The following ANKRD18A variants were observed in gnomAD, a reference collection of about 807,000 sequenced individuals.
ANKRD18A encodes the protein ankyrin repeat domain-containing protein 18A.
Under a neutral mutation model 110.6 loss-of-function variants are expected in ANKRD18A, and 72 were observed. The ratio of observed to expected loss-of-function variants is 0.65; its 90% CI spans 0.54 to 0.79. The LOEUF (loss-of-function observed/expected upper bound fraction) is 0.79, where lower values mean the gene tolerates loss of function less well. Ranked by LOEUF, ANKRD18A falls within the 30% of genes least tolerant of loss-of-function variation. The pLI is 0.00. For synonymous variants in ANKRD18A, 305 were observed against 410.3 expected (o/e 0.74, Z 3.10); for missense variants, 934 against 1,163.3 (o/e 0.80, Z 2.87).
downstream of ANKRD18A, chr9:38,571,151 T>G (rs1477981494): frequency 3.3e-6 from 5 of 1,534,366 alleles, no homozygotes; most frequent in Non-Finnish European, 4.4e-6. Context: ...GTTCTTCTGT[T>G]GGGGACTAGT....
chr9:38,614,387 A>G (rs1825771496), intron 3 of ANKRD18A, among the ~76,000 whole-genome samples: 1 of 152,028 alleles, frequency 6.6e-6, no homozygotes, highest in Non-Finnish European at 1.5e-5. Flanking sequence ...GGCTCAAGCA[A>G]TCCTCCCACC....
rs528054598 is a variant in ANKRD18A at position 38,596,177 on chromosome 9, G to A, written c.1163C>T (p.Ser388Leu). 3.3e-5 allele frequency: 51 copies of A among 1,543,650 alleles called. No homozygotes were observed. The Middle Eastern group carries it at 5.1e-4, about 15-fold the overall frequency. The change falls in exon 9 of 16, where the codon TCG (serine) becomes TTG (leucine). Residue 388 changes from serine (S) to leucine (L), a missense_variant. Around this residue, in one of 4 missense-constraint regions of ANKRD18A, gnomAD observed 630 missense variants for 797.5 expected, o/e 0.79. Transcript: ENST00000399703. ...AGCTTTCAGATCATTAAGCTGTTGC[G>A]AATACCGGGCCACTGTTTTTGTTAT... is the stretch of plus-strand genomic sequence containing the variant. ...KMITKTVARY[S>L]QQLNDLKAEN...
downstream of ANKRD18A, among the ~76,000 whole-genome samples, chr9:38,570,646 G>A (rs762183132): frequency 9.9e-5 from 15 of 152,182 alleles, no homozygotes; most frequent in Non-Finnish European, 1.6e-4. Flanking sequence ...GTCCACTGAC[G>A]AGGCCCTTGA....
At chr9:38,593,931 C>T in intron 9 of ANKRD18A, 22 bp from the exon 10 acceptor site, 2 of 1,454,856 alleles carry the variant, frequency 1.4e-6, no homozygotes, top group Non-Finnish European at 1.8e-6. Flanking sequence ...TTTTTGTTAC[C>T]AATTTTATAA....
chr9:38,571,133 C>T (rs12349568), downstream of ANKRD18A: 14 of 1,533,112 alleles, frequency 9.1e-6, no homozygotes, highest in South Asian at 2.4e-5. Context: ...TCAGTGGATG[C>T]GACAGTGGTT....
downstream of ANKRD18A, among the ~76,000 whole-genome samples, chr9:38,570,142 C>T (rs188623580): frequency 2.0e-5 from 3 of 151,974 alleles, no homozygotes; most frequent in Non-Finnish European, 4.4e-5. Context: ...GCCCCACTGA[C>T]CAAGTCCCCA....
intron 13 of ANKRD18A, 64 bp downstream of exon 13, chr9:38,577,803 A>G: frequency 6.7e-7 from 1 of 1,496,238 alleles, no homozygotes; most frequent in Admixed American, 2.5e-5. Context: ...TATCCAAAAT[A>G]TAGTTTGCAG....
chr9:38,609,376 T>C (rs1008224733), intron 5 of ANKRD18A, among the ~76,000 whole-genome samples: 1 of 151,844 alleles, frequency 6.6e-6, no homozygotes. Flanking sequence ...AGTTACTTGG[T>C]AGGCTGAGGC....
rs147750779 is a variant in ANKRD18A at position 38,596,120 on chromosome 9, T to G, written c.1220A>C (p.Lys407Thr). The G allele has an allele frequency of 1.4e-3, 2,185 of 1,551,116 alleles. 20 individuals carry two copies. The African/African-American group carries it at 0.024, about 17-fold the overall frequency. Residue 407 changes from lysine to threonine, a missense_variant, in exon 9 of 16, where the codon AAG becomes ACG. Coordinates refer to ENST00000399703, the MANE Select transcript of ANKRD18A (RefSeq NM_147195.4). ...TAGTCTTTCTTTGTTGTGTTTTTCCTTCTCCAATTCTGAATTCAGCCTTGC... is the reference window on the plus strand; with the variant it reads ...TAGTCTTTCTTTGTTGTGTTTTTCCGTCTCCAATTCTGAATTCAGCCTTGC... ...ENARLNSELE[K>T]EKHNKERLEA...
In ANKRD18A at chr9:38,620,141, C is replaced by T; in HGVS notation, c.145G>A (p.Glu49Lys). 1 of 1,570,022 alleles carries T rather than the reference C, an allele frequency of 6.4e-7. No individual in the cohort carries two copies. ...CTGCGCGTCAGGCAGCGCTCCACCT[C>T]CGCGGCGTCGCCCTTGATGGCAGCC... The part of the protein sequence containing the change: ...HRAAIKGDAA[E>K]VERCLTRRFR... The change falls in exon 1 of 16, where the codon GAG becomes AAG. Residue 49 changes from glutamate (E) to lysine (K), a missense_variant. Glu to Lys is a moderately conservative substitution (Grantham distance 56). Transcript: ENST00000399703.
chr9:38,581,855 T>G (rs564585267), intron 12 of ANKRD18A, among the ~76,000 whole-genome samples: 166 of 152,154 alleles, frequency 1.1e-3, no homozygotes, highest in Middle Eastern at 0.01. Flanking sequence ...CTCCTAAAAC[T>G]TTTTCTTGGA....
intron 3 of ANKRD18A, among the ~76,000 whole-genome samples, chr9:38,611,981 C>T (rs1825639701): frequency 6.6e-6 from 1 of 152,104 alleles, no homozygotes; most frequent in Non-Finnish European, 1.5e-5. Context: ...CAGAGCTTCC[C>T]AATACAAGTG....
At chr9:38,583,945 C>T (rs1203637578) in intron 12 of ANKRD18A, among the ~76,000 whole-genome samples, 1 of 152,242 alleles carries the variant, frequency 6.6e-6, no homozygotes, top group Non-Finnish European at 1.5e-5. Context: ...GGAACCTGCA[C>T]AGGGGCTTGC....
chr9:38,595,575 G>A lies in ANKRD18A; in HGVS notation c.1765C>T (p.Leu589=), dbSNP rs1824838479. Residue 589 remains leucine (L), a synonymous_variant, in exon 9 of 16, where the codon CTA becomes TTA. Transcript: ENST00000399703. ...DCLENGKEDL[L]EERNKELMKE... is the part of the protein sequence containing the mutation. ...ATTAATTCCTTATTTCTTTCTTCTA[G>A]AAGATCTTCCTTTCCATTCTCAAGA... 7.1e-6 allele frequency: 11 copies of A among 1,547,234 alleles called. No homozygotes were observed. The highest frequency in any genetic ancestry group is 9.6e-6 in the Non-Finnish European group (11 of 1,145,326).
At chr9:38,593,434 A>G (rs1824740835) in intron 10 of ANKRD18A, among the ~76,000 whole-genome samples, 1 of 152,208 alleles carries the variant, frequency 6.6e-6, no homozygotes, top group African/African-American at 2.4e-5. Context: ...TTCTGACTTA[A>G]TCTGGCTTGC....
At chr9:38,601,067 A>G in intron 8 of ANKRD18A, 64 bp downstream of exon 8, 3 of 1,439,482 alleles carry the variant, frequency 2.1e-6, no homozygotes, top group Non-Finnish European at 9.5e-7. Context: ...GGCCTATGCT[A>G]TGTTATTAAA....
chr9:38,577,977 T>C lies in ANKRD18A; in HGVS notation c.2419A>G (p.Thr807Ala). Reference protein sequence around the residue: ...MLEEEVLNLKTHMEKDMVELG... With the variant: ...MLEEEVLNLKAHMEKDMVELG... ...TCTACCATATCTTTTTCCATATGTG[T>C]CTTAAGATTTAATACTTCTTCTTCC... Residue 807 changes from threonine to alanine, a missense_variant, in exon 13 of 16, where the codon ACA becomes GCA. Coordinates refer to ENST00000399703, the MANE Select transcript of ANKRD18A (RefSeq NM_147195.4). The C allele has an allele frequency of 2.5e-6, 4 of 1,574,210 alleles. No individual in the cohort carries two copies. The highest frequency in any genetic ancestry group is 3.5e-6 in the Non-Finnish European group (4 of 1,156,706).
intron 1 of ANKRD18A, among the ~76,000 whole-genome samples, chr9:38,617,677 A>G (rs570090323): frequency 2.0e-4 from 30 of 152,312 alleles, no homozygotes; most frequent in Middle Eastern, 6.8e-3. Flanking sequence ...AGGTGGGAGG[A>G]AAAGCTTCAG....
At chr9:38,593,497 G>T (rs1044457495) in intron 10 of ANKRD18A, among the ~76,000 whole-genome samples, 4 of 152,148 alleles carry the variant, frequency 2.6e-5, no homozygotes, top group Non-Finnish European at 5.9e-5. Flanking sequence ...CGGGAAAAAA[G>T]TCAATTTTCT....
Sources: gnomAD v4.1 joint callset for allele counts (sites outside exome capture counted in the v4.1 genomes callset) on GRCh38, gnomAD v4.1.1 for gene constraint, gnomAD v4.1.1 regional missense constraint, MANE v1.5 for transcripts, NCBI Gene and HGNC (gene_info 2026-07-23, HGNC 2026-07-21) for gene names.